Variants in GLI2 observed in about 807,000 individuals in gnomAD.
The protein encoded by GLI2 is GLI family zinc finger 2.
In GLI2, 22 loss-of-function variants were observed where a neutral mutation model predicts 78.9. That is an observed-to-expected ratio of 0.28 (90% CI 0.20 to 0.40). The LOEUF (loss-of-function observed/expected upper bound fraction) is 0.40, where lower values mean the gene tolerates loss of function less well. Ranked by LOEUF, GLI2 falls within the 10% of genes least tolerant of loss-of-function variation. The probability of loss-of-function intolerance (pLI) is 1.00; values close to 1 mark genes in which losing one functional copy is unlikely to be tolerated. For missense variants in GLI2, 2,097 were observed against 2,213.2 expected (o/e 0.95, Z 1.05); for synonymous variants, 974 against 963.7 (o/e 1.01, Z -0.20).
At chr2:120,948,878 C>T (rs918369347) in intron 3 of GLI2, among the ~76,000 whole-genome samples, 1 of 152,276 alleles carries the variant, frequency 6.6e-6, no homozygotes, top group African/African-American at 2.4e-5. Context: ...GGGAACCTGC[C>T]GTGCCTGGAG....
chr2:120,780,196 CCA>C (rs1369010856), intron 1 of GLI2, among the ~76,000 whole-genome samples: 1 of 152,086 alleles, frequency 6.6e-6, no homozygotes, highest in African/African-American at 2.4e-5. Flanking sequence ...GGCGGGCGTG[CCA>C]CACACACTCA....
At chr2:120,893,074 A>AG (rs1677759128) in intron 2 of GLI2, among the ~76,000 whole-genome samples, 2 of 152,220 alleles carry the variant, frequency 1.3e-5, no homozygotes, top group Non-Finnish European at 2.9e-5. Context: ...CCCAGCGTGC[A>AG]TAGTTATGAG....
At chr2:120,759,207 C>G (rs1410341415) in intron 1 of GLI2, among the ~76,000 whole-genome samples, 2 of 152,160 alleles carry the variant, frequency 1.3e-5, no homozygotes, top group African/African-American at 4.8e-5. Flanking sequence ...TTTCTCCATA[C>G]CCACGGCAAG....
chr2:120,911,054 G>T (rs1432928019), intron 2 of GLI2, among the ~76,000 whole-genome samples: 1 of 152,220 alleles, frequency 6.6e-6, no homozygotes, highest in Admixed American at 6.5e-5. Context: ...GCCCTGAGGG[G>T]GAGTGGGCAC....
At chr2:120,956,117 G>A (rs568154531) in intron 5 of GLI2, among the ~76,000 whole-genome samples, 13 of 152,270 alleles carry the variant, frequency 8.5e-5, no homozygotes, top group African/African-American at 2.9e-4. Context: ...TGATTTGGGG[G>A]CAAGACGGAG....
In GLI2 at chr2:120,854,366, G is replaced by A. The variant is rs370961267; in HGVS notation, c.148+56898G>A. Among the ~76,000 whole-genome samples, 6 of 152,300 alleles carry A rather than the reference G, an allele frequency of 3.9e-5. No homozygotes were observed. The East Asian group carries it at 7.7e-4, about 20-fold the overall frequency. On this transcript the variant is annotated intron_variant, in intron 2 of 13. Coordinates refer to ENST00000361492, the MANE Select transcript of GLI2 (RefSeq NM_001374353.1). ...GTCCCACTTTTAAGAGGGTCTGCCT[G>A]CCAGTTCCAGCCGCGCATAGCCTTC...
intron 2 of GLI2, among the ~76,000 whole-genome samples, chr2:120,824,535 C>T (rs4848123): frequency 0.81 from 122,643 of 152,208 alleles, 50,624 homozygotes; most frequent in Middle Eastern, 0.91. Flanking sequence ...CAGAGTGTCC[C>T]TCCAGGTGCT....
intron 5 of GLI2, among the ~76,000 whole-genome samples, chr2:120,956,152 G>T (rs926365575): frequency 6.6e-6 from 1 of 152,128 alleles, no homozygotes; most frequent in Non-Finnish European, 1.5e-5. Context: ...TGGTAGAGGT[G>T]GGGAGAAGGG....
chr2:120,780,808 T>A (rs1409734882), intron 1 of GLI2, among the ~76,000 whole-genome samples: 1 of 152,178 alleles, frequency 6.6e-6, no homozygotes, highest in African/African-American at 2.4e-5. Flanking sequence ...GGTTCTCTCC[T>A]CTCCCAGCGA....
chr2:120,871,932 G>C (rs1011451761), intron 2 of GLI2, among the ~76,000 whole-genome samples: 6 of 152,206 alleles, frequency 3.9e-5, no homozygotes, highest in Admixed American at 3.3e-4. Flanking sequence ...AATCAGCTGA[G>C]AGTTGTGGCC....
chr2:120,896,341 A>G (rs1677944352), intron 2 of GLI2, among the ~76,000 whole-genome samples: 1 of 152,118 alleles, frequency 6.6e-6, no homozygotes, highest in Non-Finnish European at 1.5e-5. Context: ...TGACCCCAGA[A>G]GGCTGTTTGG....
chr2:120,975,187 C>T, intron 9 of GLI2, 78 bp downstream of exon 9: 1 of 1,416,244 alleles, frequency 7.1e-7, no homozygotes, highest in Non-Finnish European at 9.9e-7. Flanking sequence ...TCCAGGGCCT[C>T]TACTAGACAG....
chr2:120,943,118 G>C (rs779046072), intron 3 of GLI2, among the ~76,000 whole-genome samples: 1 of 152,214 alleles, frequency 6.6e-6, no homozygotes, highest in South Asian at 2.1e-4. Flanking sequence ...TCACAGCTGA[G>C]GATATCTGGT....
At chr2:120,890,286 A>G (rs903958991) in intron 2 of GLI2, among the ~76,000 whole-genome samples, 6 of 152,180 alleles carry the variant, frequency 3.9e-5, no homozygotes, top group African/African-American at 1.4e-4. Context: ...GAACAGATCA[A>G]TGGTTTCCAG....
Position 120,800,947 on chromosome 2 carries a change from T to C in GLI2, c.148+3479T>C, listed in dbSNP as rs375088061. 6.6e-4 allele frequency among the ~76,000 whole-genome samples: 100 copies of C among 152,278 alleles called. No homozygotes were observed. In the South Asian group the frequency reaches 8.3e-3, roughly 13 times the overall value. ...AATCCTGCAAGCTGTCAGGGGCTGT[T>C]TCCTGGCATCTGTAAGGTATCCAGA... On this transcript the variant is annotated intron_variant, in intron 2 of 13. Coordinates refer to ENST00000361492, the MANE Select transcript of GLI2 (RefSeq NM_001374353.1). This position sits in a 1 kb window ranked among gnomAD's most constrained non-coding sequence, Gnocchi z 4.1.
intron 2 of GLI2, among the ~76,000 whole-genome samples, chr2:120,846,872 G>A (rs959640753): frequency 1.7e-4 from 26 of 152,338 alleles, no homozygotes; most frequent in African/African-American, 6.0e-4. Flanking sequence ...GACAGTGACC[G>A]TGTCTTCAGC....
At chr2:120,771,341 T>A (rs1461166006) in intron 1 of GLI2, among the ~76,000 whole-genome samples, 3 of 152,240 alleles carry the variant, frequency 2.0e-5, no homozygotes, top group African/African-American at 7.2e-5. Context: ...GGCGGACACT[T>A]GCCTTGCTCC....
intron 1 of GLI2, among the ~76,000 whole-genome samples, chr2:120,793,103 C>A (rs2104687573): frequency 6.6e-6 from 1 of 152,372 alleles, no homozygotes; most frequent in African/African-American, 2.4e-5. Flanking sequence ...GCTCCTGAAG[C>A]ATCTTGCTGT....
chr2:120,765,231 T>A (rs1683331873), intron 1 of GLI2, among the ~76,000 whole-genome samples: 1 of 152,116 alleles, frequency 6.6e-6, no homozygotes, highest in Non-Finnish European at 1.5e-5. Context: ...AAACCCCACT[T>A]CACACCCTGA....
Sources: allele counts gnomAD v4.1 joint callset (sites outside exome capture counted in the v4.1 genomes callset), GRCh38; gene constraint gnomAD v4.1.1; non-coding constraint Gnocchi (gnomAD v3.1); transcripts MANE v1.5; gene names NCBI Gene and HGNC (gene_info 2026-07-23, HGNC 2026-07-21).